Variants in FAN1 observed in about 807,000 individuals in gnomAD.
FAN1 encodes the protein fanconi-associated nuclease 1.
Under a neutral mutation model 104.9 loss-of-function variants are expected in FAN1, and 91 were observed. The observed-to-expected ratio is 0.87, with a 90% CI of 0.73 to 1.03. FAN1 has a LOEUF of 1.03. Among genes scored for constraint, FAN1 ranks in the 50% least tolerant of loss-of-function variants. FAN1 has a pLI of 0.00. For missense variants in FAN1, 1,263 were observed against 1,239.9 expected (o/e 1.02, Z -0.28); for synonymous variants, 478 against 457.6 (o/e 1.04, Z -0.57).
intron 14 of FAN1, chr15:30,939,463 C>T: frequency 2.0e-6 from 2 of 985,434 alleles, no homozygotes; most frequent in African/African-American, 3.5e-5. Flanking sequence ...TGAAGGCTGT[C>T]ATAGTTGTTT....
At position 30,929,804 on chromosome 15, in the gene FAN1, A is replaced by C. The variant is rs1388890947; in HGVS notation, c.2787+407A>C. Among the ~76,000 whole-genome samples, 30 of 74,548 alleles carry C rather than the reference A, an allele frequency of 4.0e-4. 5 individuals carry two copies. The highest frequency in any genetic ancestry group is 2.1e-3 in the African/African-American group (29 of 13,918). 48.9% of individuals were successfully genotyped at this position (74,548 alleles called of 152,430 possible). The stretch of plus-strand genomic sequence containing the variant: ...TTATATCATATATAATATAATATAT[A>C]AAATATATAATATATTATATCATAT... On this transcript the variant is annotated intron_variant, in intron 12 of 14. Coordinates refer to ENST00000362065, the MANE Select transcript of FAN1 (RefSeq NM_014967.5).
At chr15:30,916,983 G>C (rs900326692) in intron 5 of FAN1, among the ~76,000 whole-genome samples, 2 of 152,190 alleles carry the variant, frequency 1.3e-5, no homozygotes, top group Admixed American at 6.5e-5. Context: ...GATAGCATGT[G>C]CACAGGCCCT....
Position 30,905,600 on chromosome 15 carries a change from A to G in FAN1, c.937A>G (p.Lys313Glu). 6.2e-7 allele frequency: 1 copy of G among 1,614,086 alleles called. No individual in the cohort carries two copies. Among genetic ancestry groups the G allele is most frequent in the Non-Finnish European group, 8.5e-7 (1 of 1,179,936 alleles). Reference protein sequence around the residue: ...EVKMTVASEAKIQLSDSEAKS... With the variant: ...EVKMTVASEAEIQLSDSEAKS... ...AAAAATGACTGTTGCTTCAGAAGCTAAAATACAGCTGTCAGATTCAGAGGC... is the reference window on the plus strand; with the variant it reads ...AAAAATGACTGTTGCTTCAGAAGCTGAAATACAGCTGTCAGATTCAGAGGC... The change falls in exon 2 of 15, where the codon AAA becomes GAA. Residue 313 changes from lysine (K) to glutamate (E), a missense_variant. Coordinates refer to ENST00000362065, the MANE Select transcript of FAN1 (RefSeq NM_014967.5).
At chr15:30,938,484 C>A (rs1412652438) in intron 14 of FAN1, among the ~76,000 whole-genome samples, 1 of 152,110 alleles carries the variant, frequency 6.6e-6, no homozygotes, top group Admixed American at 6.5e-5. Flanking sequence ...TTGTCCATCT[C>A]CCTGGGACCA....
rs1364569032 is a variant in FAN1, at chr15:30,937,474, C to T, written c.*3+215C>T. ...TTTTTTTTTTTTTTTTTTTTTGAGA[C>T]AGAGTCTCGCTCTGTCACCCAGGCT... On this transcript the variant is annotated intron_variant, in intron 14 of 14. Coordinates refer to ENST00000362065, the MANE Select transcript of FAN1 (RefSeq NM_014967.5). 3.6e-5 allele frequency among the ~76,000 whole-genome samples: 4 copies of T among 111,582 alleles called. No homozygotes were observed. The East Asian group carries it at 8.3e-4, about 23-fold the overall frequency. The allele number at this position is 111,582 out of a possible 152,430, so 73.2% of individuals were successfully genotyped here.
chr15:30,942,119 AAG>A lies in FAN1; in HGVS notation c.*559_*560del. On this transcript the variant is annotated 3_prime_UTR_variant, in exon 15 of 15. Coordinates refer to ENST00000362065, the MANE Select transcript of FAN1 (RefSeq NM_014967.5). The stretch of plus-strand genomic sequence containing the variant: ...ATGTTCCGGGGATTCCCTTTTTAGA[AAG>A]ATTGAAGGATGCAATGGCAAATATA... 1 of 1,558,940 alleles carries A rather than the reference AAG, an allele frequency of 6.4e-7. No homozygotes were observed.
At position 30,905,858 on chromosome 15, in the gene FAN1, C is replaced by G; in HGVS notation, c.1195C>G (p.Gln399Glu). The change falls in exon 2 of 15, where the codon CAG becomes GAG. Residue 399 changes from glutamine (Q) to glutamate (E), a missense_variant. Gln to Glu is a conservative substitution (Grantham distance 29). Around this residue, in one of 2 missense-constraint regions of FAN1, gnomAD observed 682 missense variants for 571.1 expected, o/e 1.19. Transcript: ENST00000362065. The part of the protein sequence containing the change: ...NEDDMLLFDE[Q>E]EKGIVTKFYQ... ...AGATGATATGTTGCTCTTTGATGAG[C>G]AGGAGAAGGGAATTGTAACTAAATT... is the stretch of plus-strand genomic sequence containing the variant. 2 of 1,613,794 alleles carry G rather than the reference C, an allele frequency of 1.2e-6. No individual in the cohort carries two copies. The highest frequency in any genetic ancestry group is 1.7e-5 in the Admixed American group (1 of 60,018).
chr15:30,920,186 C>T lies in FAN1; in HGVS notation c.1944-359C>T, dbSNP rs537791629. ...TGAAATTTCAGTTTCATACAATTTT[C>T]GCATACCAAAGTGTATTATTCTCTT... On this transcript the variant is annotated intron_variant, in intron 6 of 14. Coordinates refer to ENST00000362065, the MANE Select transcript of FAN1 (RefSeq NM_014967.5). 9.2e-5 allele frequency among the ~76,000 whole-genome samples: 14 copies of T among 152,312 alleles called. 1 individual carries two copies. The highest frequency in any genetic ancestry group is 2.6e-4 in the Admixed American group (4 of 15,292).
chr15:30,904,954 A>G lies in FAN1; in HGVS notation c.291A>G (p.Val97=). ...TAACCAGTGTTACCTTAGAAGATGT[A>G]ACACCTAAGAAGTCACCACCACCAA... ...VDLTSVTLED[V]TPKKSPPPKT... is the part of the protein sequence containing the mutation. Residue 97 remains valine, a synonymous_variant, in exon 2 of 15, where the codon GTA becomes GTG. Transcript: ENST00000362065. 6.2e-7 allele frequency: 1 copy of G among 1,614,078 alleles called. No individual in the cohort carries two copies. Among genetic ancestry groups the G allele is most frequent in the Non-Finnish European group, 8.5e-7 (1 of 1,180,020 alleles).
chr15:30,939,811 T>C, intron 14 of FAN1: 2 of 985,324 alleles, frequency 2.0e-6, no homozygotes, highest in Non-Finnish European at 2.4e-6. Flanking sequence ...TTGGGTCTGG[T>C]TTCTAATCAA....
intron 13 of FAN1, among the ~76,000 whole-genome samples, chr15:30,934,170 A>AC (rs999532078): frequency 1.0e-4 from 15 of 149,616 alleles, no homozygotes; most frequent in African/African-American, 2.0e-4. Context: ...TTATGCAGTG[A>AC]CCCCCCCTTT....
chr15:30,942,314 C>A lies in FAN1; in HGVS notation c.*752C>A. 1 of 563,996 alleles carries A rather than the reference C, an allele frequency of 1.8e-6. No homozygotes were observed. Among genetic ancestry groups the A allele is most frequent in the Non-Finnish European group, 3.1e-6 (1 of 321,636 alleles). 34.9% of individuals were successfully genotyped at this position (563,996 alleles called of 1,614,324 possible). Reference sequence around the variant, plus strand: ...GAATGGGGGCGGGATGAGAGTACCTCCTATCCACTAATTTGCTTAAGGATA... The same window carrying A: ...GAATGGGGGCGGGATGAGAGTACCTACTATCCACTAATTTGCTTAAGGATA... On this transcript the variant is annotated 3_prime_UTR_variant, in exon 15 of 15. Transcript: ENST00000362065.
In FAN1 at chr15:30,942,721, G is replaced by A. The variant is rs1364772170; in HGVS notation, c.*1159G>A. ...AGACTTTGTGGGCCTCAGACACCAG[G>A]AAGAAAGCTGGGATACAGTCATTTG... On this transcript the variant is annotated 3_prime_UTR_variant, in exon 15 of 15. Coordinates refer to ENST00000362065, the MANE Select transcript of FAN1 (RefSeq NM_014967.5). 1.5e-6 allele frequency: 1 copy of A among 672,112 alleles called. No individual in the cohort carries two copies. The highest frequency in any genetic ancestry group is 2.8e-5 in the South Asian group (1 of 35,248). The allele number at this position is 672,112 out of a possible 1,614,324, so 41.6% of individuals were successfully genotyped here. A position where few individuals can be genotyped will look rare whatever the true frequency, so the allele number is the denominator to read the frequency against.
intron 4 of FAN1, among the ~76,000 whole-genome samples, chr15:30,913,415 T>C (rs183316584): frequency 1.3e-5 from 2 of 152,294 alleles, no homozygotes; most frequent in East Asian, 3.9e-4. Context: ...GCATATACAT[T>C]TGCACCACGT....
chr15:30,918,377 G>A (rs1427030686), intron 6 of FAN1, 82 bp downstream of exon 6: 4 of 1,393,434 alleles, frequency 2.9e-6, no homozygotes, highest in African/African-American at 1.4e-5. Context: ...TCTTCATGAA[G>A]AATATACTCC....
At position 30,943,099 on chromosome 15, in the gene FAN1, C is replaced by A. The variant is rs1241996405; in HGVS notation, c.*1537C>A. ...TGCAAAATAAATAAATAAATATTTG[C>A]AAAACTAAAGATTCTCTCATGAATG... On this transcript the variant is annotated 3_prime_UTR_variant, in exon 15 of 15. Transcript: ENST00000362065. 2.0e-6 allele frequency: 3 copies of A among 1,526,776 alleles called. No homozygotes were observed. The highest frequency in any genetic ancestry group is 2.6e-6 in the Non-Finnish European group (3 of 1,137,054). 94.6% of individuals were successfully genotyped at this position (1,526,776 alleles called of 1,614,324 possible).
chr15:30,937,399 C>CA, intron 14 of FAN1, 140 bp downstream of exon 14: 2 of 712,018 alleles, frequency 2.8e-6, no homozygotes, highest in Non-Finnish European at 4.4e-6. Flanking sequence ...TATCACAAAA[C>CA]AGTGTTTGCT....
intron 3 of FAN1, 21 bp from the exon 4 acceptor site, chr15:30,910,593 T>C: frequency 8.4e-7 from 1 of 1,196,772 alleles, no homozygotes; most frequent in Non-Finnish European, 1.1e-6. Context: ...TTAAAAAAAC[T>C]TTTTTTTTTA....
At chr15:30,909,584 G>C (rs537359782) in intron 3 of FAN1, among the ~76,000 whole-genome samples, 215 of 152,328 alleles carry the variant, frequency 1.4e-3, no homozygotes, top group Non-Finnish European at 2.2e-3. Flanking sequence ...ACAAAACCAG[G>C]ATCCTAGTGG....
Sources: gnomAD v4.1 joint callset for allele counts (sites outside exome capture counted in the v4.1 genomes callset) on GRCh38, gnomAD v4.1.1 for gene constraint, gnomAD v4.1.1 regional missense constraint, MANE v1.5 for transcripts, NCBI Gene and HGNC (gene_info 2026-07-23, HGNC 2026-07-21) for gene names.